DDX10: variants seen among roughly 807,000 people sequenced by gnomAD.
DDX10 encodes the protein probable ATP-dependent RNA helicase DDX10.
A neutral mutation model predicts 104.3 loss-of-function variants in DDX10; 74 were observed. The observed-to-expected ratio is 0.71, with a 90% CI of 0.59 to 0.86. The LOEUF (loss-of-function observed/expected upper bound fraction) is 0.86. Ranked by LOEUF, DDX10 falls within the 40% of genes least tolerant of loss-of-function variation. The pLI is 0.00. For synonymous variants in DDX10, 351 were observed against 353.4 expected (o/e 0.99, Z 0.08); for missense variants, 952 against 1,040.0 (o/e 0.92, Z 1.16).
intron 16 of DDX10, among the ~76,000 whole-genome samples, chr11:108,875,121 A>T (rs1863135399): frequency 6.6e-6 from 1 of 152,154 alleles, no homozygotes; most frequent in Non-Finnish European, 1.5e-5. Context: ...ACCCTAACCC[A>T]AGAAACCATA....
At chr11:108,681,577 T>C (rs1356433152) in intron 6 of DDX10, among the ~76,000 whole-genome samples, 2 of 152,190 alleles carry the variant, frequency 1.3e-5, no homozygotes, top group East Asian at 3.8e-4. Context: ...TTAGAGAGTA[T>C]CTACTCTCAA....
intron 15 of DDX10, among the ~76,000 whole-genome samples, chr11:108,842,834 AC>A (rs1862659759): frequency 6.6e-6 from 1 of 152,206 alleles, no homozygotes; most frequent in Non-Finnish European, 1.5e-5. Context: ...CCAGGGGACA[AC>A]TGGGCAAGAA....
intron 13 of DDX10, among the ~76,000 whole-genome samples, chr11:108,779,533 C>T (rs1464911925): frequency 2.0e-4 from 30 of 151,644 alleles, no homozygotes; most frequent in African/African-American, 6.1e-4. Context: ...CTGGGGCCTG[C>T]CGGGGGTGGT....
intron 13 of DDX10, among the ~76,000 whole-genome samples, chr11:108,830,711 A>G (rs1218875169): frequency 6.6e-6 from 1 of 152,124 alleles, no homozygotes; most frequent in Non-Finnish European, 1.5e-5. Flanking sequence ...TATTACATAG[A>G]TTGGCTATGT....
intron 16 of DDX10, among the ~76,000 whole-genome samples, chr11:108,906,613 A>G (rs1271255273): frequency 6.6e-6 from 1 of 152,240 alleles, no homozygotes; most frequent in Non-Finnish European, 1.5e-5. Flanking sequence ...CTCATCTCCT[A>G]TTAGAGTGTT....
chr11:108,675,516 TG>T, intron 2 of DDX10, 79 bp from the exon 3 acceptor site: 1 of 1,492,756 alleles, frequency 6.7e-7, no homozygotes, highest in Non-Finnish European at 9.1e-7. Context: ...ATAGGAATTT[TG>T]GGGGACACAA....
At chr11:108,811,809 A>G (rs980428749) in intron 13 of DDX10, among the ~76,000 whole-genome samples, 11 of 149,252 alleles carry the variant, frequency 7.4e-5, no homozygotes, top group Admixed American at 1.3e-4. Flanking sequence ...AAGTGATTCT[A>G]TTGAATTTTG....
intron 6 of DDX10, among the ~76,000 whole-genome samples, chr11:108,679,874 TGGTGAGTCA>T (rs1045235109): frequency 3.9e-5 from 6 of 152,182 alleles, no homozygotes; most frequent in African/African-American, 1.4e-4. Context: ...AAATAGCAAA[TGGTGAGTCA>T]AAGTGAAACA....
At chr11:108,834,305 C>T (rs1862517193) in intron 13 of DDX10, among the ~76,000 whole-genome samples, 1 of 151,904 alleles carries the variant, frequency 6.6e-6, no homozygotes, top group Non-Finnish European at 1.5e-5. Context: ...ATCTCTCCAT[C>T]CTTTTTTATT....
chr11:108,841,389 C>A lies in DDX10; in HGVS notation c.2160C>A (p.Ile720=), dbSNP rs772456880. ...AGGAAGATGATGACACAGGTGGTAT[C>A]AACTTACATAAAGCAAAGGAAAGAC... ...DAEEDDDTGG[I]NLHKAKERLQ... The change falls in exon 15 of 18, where the codon ATC becomes ATA. Residue 720 remains isoleucine, a synonymous_variant. Coordinates refer to ENST00000322536, the MANE Select transcript of DDX10 (RefSeq NM_004398.4). 1.9e-6 allele frequency: 3 copies of A among 1,613,624 alleles called. No individual in the cohort carries two copies. The highest frequency in any genetic ancestry group is 8.5e-7 in the Non-Finnish European group (1 of 1,179,842).
chr11:108,934,874 A>G (rs1864017131), intron 17 of DDX10, among the ~76,000 whole-genome samples: 1 of 152,196 alleles, frequency 6.6e-6, no homozygotes, highest in Non-Finnish European at 1.5e-5. Flanking sequence ...GAGCCTGTGC[A>G]CCCACAGACT....
intron 7 of DDX10, among the ~76,000 whole-genome samples, chr11:108,691,252 A>G (rs2094252113): frequency 1.3e-5 from 2 of 152,214 alleles, no homozygotes; most frequent in Admixed American, 1.3e-4. Context: ...GGCCTATTTT[A>G]TAGGAGCTCA....
Position 108,912,158 on chromosome 11 carries a change from C to G in DDX10, c.2305-5715C>G, listed in dbSNP as rs142146148. 2.5e-3 allele frequency among the ~76,000 whole-genome samples: 385 copies of G among 152,208 alleles called. 5 individuals are homozygous for G. The highest frequency in any genetic ancestry group is 9.1e-3 in the African/African-American group (377 of 41,544). On this transcript the variant is annotated intron_variant, in intron 16 of 17. Coordinates refer to ENST00000322536, the MANE Select transcript of DDX10 (RefSeq NM_004398.4). ...AAGGTGCCAGTAAATTTAGTATCTC[C>G]TGAGGGCCTGTTTACTGATTTGTAG...
chr11:108,775,226 A>G (rs1171349397), intron 13 of DDX10, among the ~76,000 whole-genome samples: 2 of 152,338 alleles, frequency 1.3e-5, no homozygotes, highest in East Asian at 3.9e-4. Context: ...GTCATGGGAA[A>G]TTAAATTGAA....
In DDX10 at chr11:108,665,196, G is replaced by A. The variant is rs771566231; in HGVS notation, c.43G>A (p.Asp15Asn). Reference sequence around the variant, plus strand: ...CTCTCCGGGTTCGGGAGCCCGACCCGACCCGGTGCGGAGCTTCAATCGCTG... The same window carrying A: ...CTCTCCGGGTTCGGGAGCCCGACCCAACCCGGTGCGGAGCTTCAATCGCTG... ...ANSPGSGARP[D>N]PVRSFNRWKK... Residue 15 changes from aspartate to asparagine, a missense_variant, in exon 1 of 18, where the codon GAC (aspartate) becomes AAC (asparagine). Physicochemically the swap from Asp to Asn is conservative, Grantham distance 23. Coordinates refer to ENST00000322536, the MANE Select transcript of DDX10 (RefSeq NM_004398.4). 3.7e-6 allele frequency: 6 copies of A among 1,612,890 alleles called. No homozygotes were observed. The highest frequency in any genetic ancestry group is 2.2e-5 in the East Asian group (1 of 44,794).
intron 17 of DDX10, among the ~76,000 whole-genome samples, chr11:108,927,271 A>G (rs1411099445): frequency 6.6e-6 from 1 of 152,232 alleles, no homozygotes; most frequent in Non-Finnish European, 1.5e-5. Context: ...TAGGCTGTAC[A>G]GTGATGTCAA....
intron 16 of DDX10, among the ~76,000 whole-genome samples, chr11:108,896,724 C>T (rs1863446225): frequency 6.6e-6 from 1 of 152,104 alleles, no homozygotes; most frequent in Non-Finnish European, 1.5e-5. Context: ...ATCTTAGTTG[C>T]TTCTCTGATA....
intron 1 of DDX10, 54 bp from the exon 2 acceptor site, chr11:108,673,413 T>C: frequency 7.6e-6 from 9 of 1,186,428 alleles, no homozygotes; most frequent in South Asian, 2.5e-5. Context: ...AGAGAAGAAA[T>C]GGCTGTGTCG....
intron 13 of DDX10, among the ~76,000 whole-genome samples, chr11:108,834,927 C>CACA (rs1862532646): frequency 3.2e-5 from 2 of 62,252 alleles, no homozygotes; most frequent in Admixed American, 5.1e-4. Flanking sequence ...GACTCCATCT[C>CACA]AAAAAAAAAA....
Sources: allele counts gnomAD v4.1 joint callset (sites outside exome capture counted in the v4.1 genomes callset), GRCh38; gene constraint gnomAD v4.1.1; transcripts MANE v1.5; gene names NCBI Gene and HGNC (gene_info 2026-07-23, HGNC 2026-07-21).